CENPP: variants seen among roughly 807,000 people sequenced by gnomAD.
CENPP encodes the protein centromere protein P.
In CENPP, 24 loss-of-function variants were observed where a neutral mutation model predicts 35.6. That is an observed-to-expected ratio of 0.67 (90% confidence interval 0.49 to 0.95). CENPP has a LOEUF of 0.95. Ranked by LOEUF, CENPP falls within the 40% of genes least tolerant of loss-of-function variation. CENPP has a pLI of 0.00. For missense variants in CENPP, 332 were observed against 345.3 expected (o/e 0.96, Z 0.31); for synonymous variants, 120 against 125.5 (o/e 0.96, Z 0.29).
At chr9:92,456,207 T>G (rs1377965665) in intron 5 of CENPP, 2 of 152,228 alleles carry the variant, frequency 1.3e-5, no homozygotes, top group Non-Finnish European at 2.9e-5. Context: ...CACAAATATT[T>G]TATTTCAAAC....
chr9:92,582,586 C>A lies in CENPP; in HGVS notation c.565-28728C>A, dbSNP rs543460867. On this transcript the variant is annotated intron_variant, in intron 5 of 7. Coordinates refer to ENST00000375587, the MANE Select transcript of CENPP (RefSeq NM_001012267.3). ...AAAATAATGTGGAGCCTGATTCTGC[C>A]CTCTCTTTTATTATCTGTGTTCAAT... 2.6e-5 allele frequency among the ~76,000 whole-genome samples: 4 copies of A among 151,552 alleles called. No individual in the cohort carries two copies. The South Asian group carries it at 8.3e-4, about 31-fold the overall frequency.
At chr9:92,408,908 T>C (rs764736704) in intron 5 of CENPP, among the ~76,000 whole-genome samples, 2 of 152,144 alleles carry the variant, frequency 1.3e-5, no homozygotes, top group Non-Finnish European at 2.9e-5. Flanking sequence ...GTGGTTTGGA[T>C]CTCCGTCTTA....
intron 5 of CENPP, among the ~76,000 whole-genome samples, chr9:92,399,478 T>C (rs1320521689): frequency 6.6e-6 from 1 of 152,210 alleles, no homozygotes; most frequent in Non-Finnish European, 1.5e-5. Context: ...TCTAGTGATA[T>C]TATTTATCTG....
At chr9:92,524,031 T>C (rs761534094) in intron 5 of CENPP, among the ~76,000 whole-genome samples, 7 of 152,236 alleles carry the variant, frequency 4.6e-5, no homozygotes, top group African/African-American at 7.2e-5. Context: ...GGATCAGACA[T>C]GGCCCCCTCT....
At chr9:92,352,023 C>CT (rs113545279) in intron 4 of CENPP, among the ~76,000 whole-genome samples, 1,403 of 132,444 alleles carry the variant, frequency 0.011, 11 homozygotes, top group African/African-American at 0.026. Flanking sequence ...TTTTCTTTTC[C>CT]TTTTTTTTTT....
intron 4 of CENPP, among the ~76,000 whole-genome samples, chr9:92,369,536 C>T (rs562396920): frequency 6.6e-6 from 1 of 152,202 alleles, no homozygotes; most frequent in Admixed American, 6.5e-5. Context: ...TAGAGATTGG[C>T]TAGGATTGCA....
chr9:92,532,885 G>A (rs752098815), intron 5 of CENPP, among the ~76,000 whole-genome samples: 4 of 152,072 alleles, frequency 2.6e-5, no homozygotes, highest in Non-Finnish European at 5.9e-5. Context: ...CTTTGATGGA[G>A]TGCCAGATAT....
chr9:92,416,110 T>TA lies in CENPP; in HGVS notation c.564+36251_564+36252insA, dbSNP rs1359678635. On this transcript the variant is annotated intron_variant, in intron 5 of 7. Coordinates refer to ENST00000375587, the MANE Select transcript of CENPP (RefSeq NM_001012267.3). ...TATTTATTTATTTATTTTATTTTTTTTTTTTTTAAGACAGAGTTTTGCTCT... is the reference window on the plus strand; with the variant it reads ...TATTTATTTATTTATTTTATTTTTTTATTTTTTTAAGACAGAGTTTTGCTCT... 1.3e-3 allele frequency among the ~76,000 whole-genome samples: 196 copies of TA among 145,814 alleles called. 1 individual carries two copies. Among genetic ancestry groups the TA allele is most frequent in the African/African-American group, 4.5e-3 (180 of 40,258 alleles).
Position 92,414,549 on chromosome 9 carries a change from C to T in CENPP, c.564+34690C>T, listed in dbSNP as rs1802973. 2.5e-3 allele frequency: 524 copies of T among 208,556 alleles called. 4 individuals carry two copies. Among genetic ancestry groups the T allele is most frequent in the African/African-American group, 0.011 (482 of 44,020 alleles). The allele number at this position is 208,556 out of a possible 1,614,324, so 12.9% of individuals were successfully genotyped here. A position where few individuals can be genotyped will look rare whatever the true frequency, so the allele number is the denominator to read the frequency against. On this transcript the variant is annotated intron_variant, in intron 5 of 7. Transcript: ENST00000375587. ...TTAGTTAATTTTGTGAATCTGTATG[C>T]CTTGGGTCCTTAGTACCTGGATGGC...
intron 5 of CENPP, among the ~76,000 whole-genome samples, chr9:92,529,847 T>C (rs2131275011): frequency 6.6e-6 from 1 of 152,284 alleles, no homozygotes; most frequent in East Asian, 1.9e-4. Context: ...GCAGTGAAAC[T>C]CTTCTGATAC....
At chr9:92,474,799 A>G (rs1025635648) in intron 5 of CENPP, 3 of 1,609,676 alleles carry the variant, frequency 1.9e-6, no homozygotes, top group African/African-American at 1.3e-5. Flanking sequence ...TGTCTTCCAT[A>G]TCCTTCAGCA....
At chr9:92,429,362 G>A (rs1325134086) in intron 5 of CENPP, among the ~76,000 whole-genome samples, 1 of 152,158 alleles carries the variant, frequency 6.6e-6, no homozygotes, top group Non-Finnish European at 1.5e-5. Flanking sequence ...TAACATAAAA[G>A]CATGAATACA....
At chr9:92,486,901 C>T (rs1028029017) in intron 5 of CENPP, among the ~76,000 whole-genome samples, 1 of 152,002 alleles carries the variant, frequency 6.6e-6, no homozygotes, top group Non-Finnish European at 1.5e-5. Context: ...CCTGCCTCAG[C>T]CTCCTGAGTA....
chr9:92,404,500 G>T (rs1166236498), intron 5 of CENPP: 111 of 1,289,904 alleles, frequency 8.6e-5, no homozygotes, highest in Non-Finnish European at 1.1e-4. Context: ...GCCTACCGTT[G>T]TAGCTGTTTT....
intron 5 of CENPP, among the ~76,000 whole-genome samples, chr9:92,552,634 G>A (rs1024645910): frequency 6.6e-6 from 1 of 152,094 alleles, no homozygotes; most frequent in Non-Finnish European, 1.5e-5. Context: ...TTGGCCATTT[G>A]TGTATCTTCT....
intron 4 of CENPP, among the ~76,000 whole-genome samples, chr9:92,377,796 G>A (rs1037267856): frequency 2.0e-4 from 30 of 152,212 alleles, no homozygotes; most frequent in African/African-American, 6.5e-4. Context: ...CCCTACTTAT[G>A]TACTATCCTG....
At chr9:92,503,353 C>T (rs774327778) in intron 5 of CENPP, among the ~76,000 whole-genome samples, 23 of 152,310 alleles carry the variant, frequency 1.5e-4, no homozygotes, top group Admixed American at 7.2e-4. Flanking sequence ...GAAGCCCACC[C>T]GTGGTTACAT....
chr9:92,395,403 A>G (rs527361469), intron 5 of CENPP, among the ~76,000 whole-genome samples: 1 of 152,314 alleles, frequency 6.6e-6, no homozygotes, highest in African/African-American at 2.4e-5. Context: ...TTGTCTCAAT[A>G]TATACAATTT....
intron 5 of CENPP, among the ~76,000 whole-genome samples, chr9:92,485,911 C>G (rs2131112270): frequency 6.6e-6 from 1 of 152,320 alleles, no homozygotes; most frequent in South Asian, 2.1e-4. Context: ...CACACACACA[C>G]CTGCCAAAAA....
Sources: gnomAD v4.1 joint callset for allele counts (sites outside exome capture counted in the v4.1 genomes callset) on GRCh38, gnomAD v4.1.1 for gene constraint, MANE v1.5 for transcripts, NCBI Gene and HGNC (gene_info 2026-07-23, HGNC 2026-07-21) for gene names.